The following WDR27 variants were observed in gnomAD, a reference collection of about 807,000 sequenced individuals.
WDR27 encodes the protein WD repeat-containing protein 27.
WDR27 carries 100 observed loss-of-function variants against 114.4 expected under a neutral mutation model. The observed-to-expected ratio is 0.87, with a 90% confidence interval of 0.74 to 1.03. The LOEUF is 1.03. Ranked by LOEUF, WDR27 falls within the 50% of genes least tolerant of loss-of-function variation. The probability of loss-of-function intolerance (pLI) is 0.00; values close to 1 mark genes in which losing one functional copy is unlikely to be tolerated. For synonymous variants in WDR27, 449 were observed against 423.1 expected (o/e 1.06, Z -0.75); for missense variants, 1,129 against 1,092.9 (o/e 1.03, Z -0.47).
intron 2 of WDR27, among the ~76,000 whole-genome samples, chr6:169,678,981 T>C (rs945036972): frequency 1.3e-5 from 2 of 152,212 alleles, no homozygotes; most frequent in Non-Finnish European, 2.9e-5. Flanking sequence ...TCTGAGAGCT[T>C]ACTCTGCAGA....
At chr6:169,657,101 C>A (rs1420475011) in intron 13 of WDR27, among the ~76,000 whole-genome samples, 1 of 152,148 alleles carries the variant, frequency 6.6e-6, no homozygotes, top group African/African-American at 2.4e-5. Context: ...GAATGGGGGA[C>A]CTGCTGGAAA....
At chr6:169,621,307 C>T (rs555292538) in intron 21 of WDR27, among the ~76,000 whole-genome samples, 2 of 147,148 alleles carry the variant, frequency 1.4e-5, no homozygotes, top group African/African-American at 5.0e-5. Flanking sequence ...CATATACATA[C>T]CCACACACGC....
intron 23 of WDR27, among the ~76,000 whole-genome samples, chr6:169,600,011 C>T (rs549116605): frequency 0.022 from 3,340 of 152,158 alleles, 85 homozygotes; most frequent in African/African-American, 0.061. Context: ...GCCTTCATTT[C>T]GTTATGTACC....
chr6:169,474,393 C>G (rs1364564591), intron 25 of WDR27, among the ~76,000 whole-genome samples: 1 of 152,136 alleles, frequency 6.6e-6, no homozygotes, highest in African/African-American at 2.4e-5. Flanking sequence ...GACAATATAA[C>G]TGTAATATGC....
chr6:169,533,995 C>T (rs116314768), intron 25 of WDR27, among the ~76,000 whole-genome samples: 19 of 152,256 alleles, frequency 1.2e-4, no homozygotes, highest in African/African-American at 3.4e-4. Context: ...AGCACCCAGC[C>T]GAAAACCATT....
At chr6:169,512,867 G>C (rs1793087829) in intron 25 of WDR27, among the ~76,000 whole-genome samples, 1 of 152,130 alleles carries the variant, frequency 6.6e-6, no homozygotes, top group South Asian at 2.1e-4. Context: ...AATCTGTGAA[G>C]ATAGAAAACA....
At chr6:169,426,824 C>CCACACCCACTCAG in the WDR27 span, 1 of 153,112 alleles carries the variant, frequency 6.5e-6, no homozygotes, top group African/African-American at 2.4e-5. Context: ...GCCACACCTT[C>CCACACCCACTCAG]CACACCCACT....
chr6:169,666,432 T>C (rs1214537331), intron 6 of WDR27: 6 of 985,304 alleles, frequency 6.1e-6, no homozygotes, highest in Admixed American at 6.1e-5. Flanking sequence ...GGAAGAACGC[T>C]CTCCTTTTAA....
At chr6:169,449,820 C>T in the WDR27 span, among the ~76,000 whole-genome samples, 1 of 152,142 alleles carries the variant, frequency 6.6e-6, no homozygotes, top group Non-Finnish European at 1.5e-5. Context: ...ATGTCCATAA[C>T]CATCGTGGAA....
intron 25 of WDR27, among the ~76,000 whole-genome samples, chr6:169,550,347 T>C (rs1362954781): frequency 6.6e-6 from 1 of 152,242 alleles, no homozygotes; most frequent in African/African-American, 2.4e-5. Context: ...TCTAGGCTAC[T>C]GGGCCCACAG....
chr6:169,454,800 G>C (rs1194828151), downstream of WDR27, among the ~76,000 whole-genome samples: 1 of 152,218 alleles, frequency 6.6e-6, no homozygotes, highest in Non-Finnish European at 1.5e-5. Flanking sequence ...GGAGACAGCA[G>C]GCTAGACAGA....
chr6:169,428,376 T>TTA, the WDR27 span, among the ~76,000 whole-genome samples: 1 of 152,272 alleles, frequency 6.6e-6, no homozygotes, highest in East Asian at 1.9e-4. Context: ...TTCAGAAAGT[T>TTA]TAGAGTGGTT....
Position 169,688,820 on chromosome 6 carries a change from A to G in WDR27, c.186T>C (p.His62=), listed in dbSNP as rs377351094. ...GGACATGTAACTCGTTCAATACCTG[A>G]TGAGAAGGATCCTTAGTGTTCCATA... The part of the protein sequence containing the change: ...LCIWNTKDPS[H]QLLILRGHHQ... The change falls in exon 2 of 26, where the codon CAT becomes CAC. Residue 62 remains histidine (H), a synonymous_variant. Coordinates refer to ENST00000448612, the MANE Select transcript of WDR27 (RefSeq NM_182552.5). The G allele has an allele frequency of 9.4e-6, 15 of 1,603,014 alleles. No homozygotes were observed. The highest frequency in any genetic ancestry group is 1.2e-5 in the Non-Finnish European group (14 of 1,175,306).
At chr6:169,446,104 C>T in the WDR27 span, among the ~76,000 whole-genome samples, 1 of 152,274 alleles carries the variant, frequency 6.6e-6, no homozygotes, top group Non-Finnish European at 1.5e-5. Flanking sequence ...GATCTGAGCT[C>T]CGGCCCGGAC....
chr6:169,489,803 T>C (rs1346056979), intron 25 of WDR27, among the ~76,000 whole-genome samples: 1 of 152,200 alleles, frequency 6.6e-6, no homozygotes, highest in African/African-American at 2.4e-5. Flanking sequence ...TTCTATAATT[T>C]CATGATTTCT....
At chr6:169,621,549 T>TAC (rs901429107) in intron 21 of WDR27, among the ~76,000 whole-genome samples, 1 of 126,292 alleles carries the variant, frequency 7.9e-6, no homozygotes, top group Non-Finnish European at 1.7e-5. Flanking sequence ...CGCATATACA[T>TAC]ACACACACGC....
chr6:169,514,703 T>C lies in WDR27; in HGVS notation c.2646-57069A>G, dbSNP rs138216121. ...TTATTCTAGGAATAAAAGGTTGGCT[T>C]AACATTGTTAAAGACATCATTCTAA... On this transcript the variant is annotated intron_variant, in intron 25 of 25. Coordinates refer to ENST00000448612, the MANE Select transcript of WDR27 (RefSeq NM_182552.5). Among the ~76,000 whole-genome samples the C allele has an allele frequency of 2.1e-3, 310 of 148,342 alleles. 4 individuals carry two copies. The highest frequency in any genetic ancestry group is 7.3e-3 in the African/African-American group (297 of 40,694).
Position 169,659,418 on chromosome 6 carries a change from CAT to C in WDR27, c.1197+31_1197+32del, listed in dbSNP as rs1825307627. 6.2e-7 allele frequency: 1 copy of C among 1,601,036 alleles called. No homozygotes were observed. On this transcript the variant is annotated intron_variant, in intron 11 of 25. Coordinates refer to ENST00000448612, the MANE Select transcript of WDR27 (RefSeq NM_182552.5). The surrounding 1 kb of genome is among the most constrained non-coding windows in gnomAD (Gnocchi z 4.3). ...GAAAGAAGAAATCAGAGGCACGTCT[CAT>C]AGACAGGGAGGGCCGCGTCTCAGGA...
chr6:169,531,266 G>A (rs1795556676), intron 25 of WDR27, among the ~76,000 whole-genome samples: 1 of 152,186 alleles, frequency 6.6e-6, no homozygotes, highest in Non-Finnish European at 1.5e-5. Context: ...AATTAAGAAT[G>A]ACATTGAATC....
Sources: gnomAD v4.1 joint callset for allele counts (sites outside exome capture counted in the v4.1 genomes callset) on GRCh38, gnomAD v4.1.1 for gene constraint, Gnocchi (gnomAD v3.1) non-coding constraint, MANE v1.5 for transcripts, NCBI Gene and HGNC (gene_info 2026-07-23, HGNC 2026-07-21) for gene names.